The following ADORA2B variants were observed in gnomAD, a reference collection of about 807,000 sequenced individuals.
The protein encoded by ADORA2B is adenosine receptor A2b.
A neutral mutation model predicts 20.8 loss-of-function variants in ADORA2B; 18 were observed. The ratio of observed to expected loss-of-function variants is 0.87; its 90% confidence interval spans 0.60 to 1.29. The LOEUF (loss-of-function observed/expected upper bound fraction) is 1.29, where lower values mean the gene tolerates loss of function less well. Among genes scored for constraint, ADORA2B ranks in the 50% most tolerant of loss-of-function variants. The pLI, the probability that ADORA2B is intolerant of heterozygous loss-of-function variation, is 0.00. For missense variants in ADORA2B, 441 were observed against 422.7 expected, an observed-to-expected ratio of 1.04 and a Z score of -0.38; for synonymous variants, 179 against 178.3, an observed-to-expected ratio of 1.00 and a Z score of -0.03.
chr17:15,955,566 C>G (rs780747101), intron 1 of ADORA2B, among the ~76,000 whole-genome samples: 2 of 151,700 alleles, frequency 1.3e-5, no homozygotes, highest in Non-Finnish European at 2.9e-5. Flanking sequence ...ACCACCAAGT[C>G]CGGCTGTATT....
the ADORA2B span, among the ~76,000 whole-genome samples, chr17:15,933,163 G>C: frequency 1.3e-5 from 2 of 152,116 alleles, no homozygotes; most frequent in Non-Finnish European, 2.9e-5. Flanking sequence ...CACCGTGTTA[G>C]CTGGGATGGT....
the ADORA2B span, among the ~76,000 whole-genome samples, chr17:15,934,162 A>G: frequency 1.1e-4 from 16 of 152,246 alleles, no homozygotes; most frequent in African/African-American, 3.9e-4. Context: ...ACATAATTAA[A>G]TCTTATTCAT....
intron 1 of ADORA2B, among the ~76,000 whole-genome samples, chr17:15,948,398 C>T (rs865899336): frequency 1.3e-4 from 3 of 22,628 alleles, no homozygotes; most frequent in South Asian, 3.6e-3. Flanking sequence ...TGGGCCCTGG[C>T]GGCGGGGGGC....
chr17:15,934,417 A>G, the ADORA2B span, among the ~76,000 whole-genome samples: 2 of 151,990 alleles, frequency 1.3e-5, no homozygotes, highest in East Asian at 3.9e-4. Flanking sequence ...GTAGAGACAG[A>G]GTTTCACCAT....
intron 1 of ADORA2B, among the ~76,000 whole-genome samples, chr17:15,959,128 T>A (rs1189263809): frequency 6.6e-6 from 1 of 152,208 alleles, no homozygotes; most frequent in African/African-American, 2.4e-5. Flanking sequence ...AAAGCTAGAC[T>A]GGCTTCACTA....
intron 1 of ADORA2B, among the ~76,000 whole-genome samples, chr17:15,965,788 G>A (rs1043564591): frequency 1.3e-5 from 2 of 152,270 alleles, no homozygotes; most frequent in South Asian, 2.1e-4. Context: ...GGTCTTGGCC[G>A]TGGCAGGCTA....
Position 15,972,994 on chromosome 17 carries a change from A to G in ADORA2B, c.336-1685A>G, listed in dbSNP as rs78084481. ...CAGGCTGGTCTCCAACTTGTGATCT[A>G]ATGGCTTGAAGATGACCAAAAAATT... On this transcript the variant is annotated intron_variant, in intron 1 of 1. Coordinates refer to ENST00000304222, the MANE Select transcript of ADORA2B (RefSeq NM_000676.4). 1.6e-4 allele frequency among the ~76,000 whole-genome samples: 25 copies of G among 152,292 alleles called. No homozygotes were observed. In the East Asian group the frequency reaches 4.6e-3, roughly 28 times the overall value.
intron 1 of ADORA2B, among the ~76,000 whole-genome samples, chr17:15,964,252 TG>T (rs2151604329): frequency 6.6e-6 from 1 of 152,322 alleles, no homozygotes; most frequent in South Asian, 2.1e-4. Context: ...GTTCCTTAAA[TG>T]TTTGGCAGAA....
At chr17:15,941,698 A>G (rs562679113), upstream of ADORA2B, among the ~76,000 whole-genome samples, 2 of 150,428 alleles carry the variant, frequency 1.3e-5, no homozygotes, top group South Asian at 4.2e-4. Context: ...ATGGTGCTAC[A>G]GCTTCAGTGA....
the ADORA2B span, among the ~76,000 whole-genome samples, chr17:15,924,802 A>G: frequency 4.0e-5 from 6 of 151,526 alleles, no homozygotes; most frequent in African/African-American, 9.7e-5. Context: ...TCCTGTTACT[A>G]TCCTTTCCCT....
the ADORA2B span, among the ~76,000 whole-genome samples, chr17:15,888,675 GTCT>G: frequency 5.0e-5 from 6 of 120,750 alleles, no homozygotes; most frequent in Non-Finnish European, 8.5e-5. Context: ...TTACAGCCAA[GTCT>G]TCTTCAAAAT....
the ADORA2B span, among the ~76,000 whole-genome samples, chr17:15,932,725 C>T: frequency 6.6e-6 from 1 of 152,076 alleles, no homozygotes; most frequent in Admixed American, 6.5e-5. Context: ...ATTAAATTGT[C>T]ATGGAATCCC....
the ADORA2B span, among the ~76,000 whole-genome samples, chr17:15,936,380 G>A: frequency 7.9e-5 from 12 of 151,858 alleles, no homozygotes; most frequent in African/African-American, 2.2e-4. Context: ...GTGCAGTGGT[G>A]CAATCTTGTC....
intron 1 of ADORA2B, among the ~76,000 whole-genome samples, chr17:15,960,283 G>A (rs113645501): frequency 2.4e-5 from 3 of 124,744 alleles, no homozygotes; most frequent in East Asian, 2.4e-4. Context: ...GGCCGGGCGC[G>A]GTGGCTCACG....
the ADORA2B span, among the ~76,000 whole-genome samples, chr17:15,856,370 A>G: frequency 6.6e-6 from 1 of 152,174 alleles, no homozygotes; most frequent in African/African-American, 2.4e-5. Flanking sequence ...CTGTGAGTCA[A>G]TTAAACCTCT....
the ADORA2B span, among the ~76,000 whole-genome samples, chr17:15,889,313 A>G: frequency 7.7e-6 from 1 of 129,926 alleles, no homozygotes; most frequent in Admixed American, 7.6e-5. Context: ...TTTGGTTCCT[A>G]TTTCTGGCAT....
the ADORA2B span, among the ~76,000 whole-genome samples, chr17:15,871,366 G>A: frequency 6.6e-6 from 1 of 152,184 alleles, no homozygotes; most frequent in Admixed American, 6.5e-5. Context: ...AACTGAGTAA[G>A]ATCACCTTAA....
At chr17:15,971,142 C>G (rs991654445) in intron 1 of ADORA2B, among the ~76,000 whole-genome samples, 1 of 152,216 alleles carries the variant, frequency 6.6e-6, no homozygotes, top group Non-Finnish European at 1.5e-5. Flanking sequence ...ACAGCTTAGT[C>G]CTGTGAACAA....
the ADORA2B span, among the ~76,000 whole-genome samples, chr17:15,914,519 G>T: frequency 6.6e-6 from 1 of 152,124 alleles, no homozygotes; most frequent in Admixed American, 6.5e-5. Flanking sequence ...AAAAAAACAG[G>T]ATGTGTCTAT....
Sources: gnomAD v4.1 joint callset for allele counts (sites outside exome capture counted in the v4.1 genomes callset) on GRCh38, gnomAD v4.1.1 for gene constraint, MANE v1.5 for transcripts, NCBI Gene and HGNC (gene_info 2026-07-23, HGNC 2026-07-21) for gene names.